Variants in ADIPOR2 observed in about 807,000 individuals in gnomAD.
The protein encoded by ADIPOR2 is adiponectin receptor protein 2.
In ADIPOR2, 18 loss-of-function variants were observed where a neutral mutation model predicts 40.9. The observed-to-expected ratio is 0.44, with a 90% CI of 0.30 to 0.65. The LOEUF (loss-of-function observed/expected upper bound fraction) is 0.65, where lower values mean the gene tolerates loss of function less well. Ranked by LOEUF, ADIPOR2 falls within the 30% of genes least tolerant of loss-of-function variation. The pLI, the probability that ADIPOR2 is intolerant of heterozygous loss-of-function variation, is 0.09. For missense variants in ADIPOR2, 283 were observed against 479.2 expected, an observed-to-expected ratio of 0.59 and a Z score of 3.82; for synonymous variants, 165 against 166.4, an observed-to-expected ratio of 0.99 and a Z score of 0.06.
chr12:1,706,039 T>C (rs898061470), intron 1 of ADIPOR2, among the ~76,000 whole-genome samples: 23 of 152,192 alleles, frequency 1.5e-4, no homozygotes, highest in African/African-American at 5.1e-4. Flanking sequence ...AAAGTTGTCT[T>C]CAGTAGTAAA....
At chr12:1,712,983 T>G (rs1025159732) in intron 1 of ADIPOR2, among the ~76,000 whole-genome samples, 1 of 152,100 alleles carries the variant, frequency 6.6e-6, no homozygotes, top group African/African-American at 2.4e-5. Context: ...GGCATGAGGC[T>G]TCCGAACTGG....
intron 1 of ADIPOR2, among the ~76,000 whole-genome samples, chr12:1,751,823 C>T (rs992587871): frequency 6.6e-6 from 1 of 150,646 alleles, no homozygotes; most frequent in Admixed American, 6.6e-5. Flanking sequence ...CCCGCCTGAG[C>T]GTGCGTTTAT....
chr12:1,787,121 C>G lies in ADIPOR2; in HGVS notation c.*1049C>G, dbSNP rs1449232383. The G allele has an allele frequency of 6.6e-6, 1 of 152,204 alleles. No homozygotes were observed. The highest frequency in any genetic ancestry group is 2.4e-5 in the African/African-American group (1 of 41,446). The allele number at this position is 152,204 out of a possible 1,614,324, so 9.4% of individuals were successfully genotyped here. ...TCTGGAACACTCTCTAAATTTCCCT[C>G]TATTAAAAATCACTGCCCTAACTAC... On this transcript the variant is annotated 3_prime_UTR_variant, in exon 8 of 8. Transcript: ENST00000357103.
chr12:1,727,471 ATTAT>A (rs1222383340), intron 1 of ADIPOR2, among the ~76,000 whole-genome samples: 2 of 152,190 alleles, frequency 1.3e-5, no homozygotes, highest in Non-Finnish European at 2.9e-5. Flanking sequence ...ATGTATAATT[ATTAT>A]TTAAATATTC....
At chr12:1,693,024 G>A (rs1162427001) in intron 1 of ADIPOR2, among the ~76,000 whole-genome samples, 3 of 152,010 alleles carry the variant, frequency 2.0e-5, no homozygotes, top group South Asian at 2.1e-4. Flanking sequence ...GTGTGGTGGC[G>A]CACTCTTGTT....
intron 1 of ADIPOR2, chr12:1,697,631 A>G (rs998748438): frequency 1.3e-5 from 2 of 152,390 alleles, no homozygotes; most frequent in African/African-American, 4.8e-5. Context: ...ATCAGTCACA[A>G]CATGAGTATG....
chr12:1,756,623 G>T (rs1007778202), intron 2 of ADIPOR2, among the ~76,000 whole-genome samples: 1 of 151,994 alleles, frequency 6.6e-6, no homozygotes, highest in Non-Finnish European at 1.5e-5. Flanking sequence ...CTGGCACGTG[G>T]GCAGCTTTTG....
At chr12:1,741,516 G>A (rs868431911) in intron 1 of ADIPOR2, among the ~76,000 whole-genome samples, 2 of 152,164 alleles carry the variant, frequency 1.3e-5, no homozygotes, top group African/African-American at 4.8e-5. Flanking sequence ...TATAGTGTTA[G>A]CAAATCAGAT....
At chr12:1,781,213 T>C (rs902984519) in intron 6 of ADIPOR2, 137 bp downstream of exon 6, 2 of 980,628 alleles carry the variant, frequency 2.0e-6, no homozygotes, top group African/African-American at 3.4e-5. Flanking sequence ...TAGTTCCTAT[T>C]GTTGGGGGTT....
At chr12:1,777,797 G>T in intron 3 of ADIPOR2, 57 bp from the exon 4 acceptor site, 1 of 1,529,706 alleles carries the variant, frequency 6.5e-7, no homozygotes, top group Non-Finnish European at 8.9e-7. Context: ...TTAGGGGTCA[G>T]TGTTGGTAAA....
At chr12:1,781,148 C>G in intron 6 of ADIPOR2, 72 bp downstream of exon 6, 1 of 1,410,496 alleles carries the variant, frequency 7.1e-7, no homozygotes, top group Non-Finnish European at 9.5e-7. Context: ...TATTAAAGTT[C>G]TACCATTTGC....
intron 3 of ADIPOR2, among the ~76,000 whole-genome samples, chr12:1,774,767 C>T (rs1273008661): frequency 2.0e-5 from 3 of 152,220 alleles, no homozygotes; most frequent in Admixed American, 6.5e-5. Context: ...TGCAGTGGCA[C>T]GATCTTGGCT....
intron 2 of ADIPOR2, chr12:1,757,728 C>G: frequency 7.7e-7 from 1 of 1,297,676 alleles, no homozygotes. Flanking sequence ...GGAAATTCTC[C>G]CCCGTCTTGT....
intron 3 of ADIPOR2, among the ~76,000 whole-genome samples, chr12:1,776,147 G>A (rs1862589419): frequency 6.6e-6 from 1 of 152,290 alleles, no homozygotes; most frequent in African/African-American, 2.4e-5. Flanking sequence ...GGACACATCT[G>A]TTCTTAAATT....
chr12:1,694,697 C>A (rs776140223), intron 1 of ADIPOR2, among the ~76,000 whole-genome samples: 2 of 152,176 alleles, frequency 1.3e-5, no homozygotes, highest in Non-Finnish European at 2.9e-5. Flanking sequence ...CAGTTTTCAT[C>A]CTTTGTAGAT....
At chr12:1,734,871 A>T (rs552906747) in intron 1 of ADIPOR2, among the ~76,000 whole-genome samples, 1 of 152,282 alleles carries the variant, frequency 6.6e-6, no homozygotes, top group African/African-American at 2.4e-5. Context: ...TCCTTTCCCC[A>T]TTTCTTGTTT....
chr12:1,754,696 T>C lies in ADIPOR2; in HGVS notation c.171+182T>C, dbSNP rs11061972. 1.2e-3 allele frequency among the ~76,000 whole-genome samples: 70 copies of C among 60,194 alleles called. 1 individual carries two copies. The highest frequency in any genetic ancestry group is 4.3e-3 in the East Asian group (5 of 1,154). The allele number at this position is 60,194 out of a possible 152,430, so 39.5% of individuals were successfully genotyped here. The stretch of plus-strand genomic sequence containing the variant: ...TTGAAGTCTCTTATCTTTATTATTA[T>C]TATTACTACTACTACTACTACTACT... On this transcript the variant is annotated intron_variant, in intron 2 of 7. Transcript: ENST00000357103.
chr12:1,748,431 T>G (rs546934067), intron 1 of ADIPOR2, among the ~76,000 whole-genome samples: 65 of 151,972 alleles, frequency 4.3e-4, no homozygotes, highest in Admixed American at 7.9e-4. Context: ...TATATTTTTA[T>G]TAGAGATGGG....
chr12:1,748,454 TAGCC>T (rs2094761481), intron 1 of ADIPOR2, among the ~76,000 whole-genome samples: 2 of 152,080 alleles, frequency 1.3e-5, no homozygotes, highest in Non-Finnish European at 2.9e-5. Context: ...TTCACCGTGT[TAGCC>T]AGGATGGTCT....
Sources: allele counts gnomAD v4.1 joint callset (sites outside exome capture counted in the v4.1 genomes callset), GRCh38; gene constraint gnomAD v4.1.1; transcripts MANE v1.5; gene names NCBI Gene and HGNC (gene_info 2026-07-23, HGNC 2026-07-21).